The following DMBX1 variants were observed in gnomAD, a reference collection of about 807,000 sequenced individuals.
The protein encoded by DMBX1 is diencephalon/mesencephalon homeobox protein 1.
Under a neutral mutation model 30.4 loss-of-function variants are expected in DMBX1, and 7 were observed. That is an observed-to-expected ratio of 0.23 (90% CI 0.13 to 0.43). The LOEUF is 0.43. Among genes scored for constraint, DMBX1 ranks in the 20% least tolerant of loss-of-function variants. The pLI, the probability that DMBX1 is intolerant of heterozygous loss-of-function variation, is 1.00. For missense variants in DMBX1, 460 were observed against 508.5 expected, an observed-to-expected ratio of 0.90 and a Z score of 0.92; for synonymous variants, 222 against 214.2, an observed-to-expected ratio of 1.04 and a Z score of -0.32.
chr1:46,506,165 A>G (rs1290006923), intron 2 of DMBX1, among the ~76,000 whole-genome samples: 2 of 152,108 alleles, frequency 1.3e-5, no homozygotes, highest in African/African-American at 4.8e-5. Flanking sequence ...TCAAGCAATT[A>G]TCCTGCCTCA....
chr1:46,498,785 G>C lies in DMBX1; in HGVS notation c.-13+8002G>C, dbSNP rs184815164. Among the ~76,000 whole-genome samples, 9 of 152,350 alleles carry C rather than the reference G, an allele frequency of 5.9e-5. No homozygotes were observed. The East Asian group carries it at 1.5e-3, about 26-fold the overall frequency. ...CACATGGACACTGAGGTGGGCTTCA[G>C]ACCTATGGCTGTGTGGTACCACATG... is the stretch of plus-strand genomic sequence containing the variant. On this transcript the variant is annotated intron_variant, in intron 2 of 5. Transcript: ENST00000360032.
chr1:46,512,582 C>T lies in DMBX1; in HGVS notation c.*88C>T. The T allele has an allele frequency of 7.0e-7, 1 of 1,426,046 alleles. No homozygotes were observed. The highest frequency in any genetic ancestry group is 9.4e-7 in the Non-Finnish European group (1 of 1,059,258). 88.3% of individuals were successfully genotyped at this position (1,426,046 alleles called of 1,614,324 possible). A position where few individuals can be genotyped will look rare whatever the true frequency, so the allele number is the denominator to read the frequency against. On this transcript the variant is annotated 3_prime_UTR_variant, in exon 6 of 6. Transcript: ENST00000360032. This position sits in a 1 kb window ranked among gnomAD's most constrained non-coding sequence, Gnocchi z 4.8. Reference sequence around the variant, plus strand: ...TAGGTGGCTCTCGAGGAGTTAACTCCATGAGCCCAGGGATCCTAGGGCCTG... The same window carrying T: ...TAGGTGGCTCTCGAGGAGTTAACTCTATGAGCCCAGGGATCCTAGGGCCTG...
intron 2 of DMBX1, among the ~76,000 whole-genome samples, chr1:46,499,469 C>G: frequency 6.6e-6 from 1 of 152,232 alleles, no homozygotes; most frequent in East Asian, 1.9e-4. Context: ...GGAAGAACTT[C>G]ACCTGTTGAC....
chr1:46,502,050 C>G (rs1666146916), intron 2 of DMBX1, among the ~76,000 whole-genome samples: 1 of 152,116 alleles, frequency 6.6e-6, no homozygotes, highest in South Asian at 2.1e-4. Context: ...TAGCTTTCTG[C>G]CTTGAGGTTA....
rs1557791602 is a variant in DMBX1 at position 46,512,324 on chromosome 1, G to A, written c.964G>A (p.Ala322Thr). The A allele has an allele frequency of 1.2e-6, 2 of 1,613,762 alleles. No individual in the cohort carries two copies. The highest frequency in any genetic ancestry group is 1.7e-6 in the Non-Finnish European group (2 of 1,179,932). ...CQSYYQSLSAAAAAHQGVWGS... is the reference protein window; with the variant it reads ...CQSYYQSLSATAAAHQGVWGS... ...GTCCTACTACCAGTCCCTGTCAGCA[G>A]CCGCTGCTGCCCACCAGGGTGTGTG... The change falls in exon 6 of 6, where the codon GCC becomes ACC. Residue 322 changes from alanine (A) to threonine (T), a missense_variant. By Grantham distance (58) the Ala-to-Thr change is moderately conservative. Coordinates refer to ENST00000360032, the MANE Select transcript of DMBX1 (RefSeq NM_172225.2). The surrounding 1 kb of genome is among the most constrained non-coding windows in gnomAD (Gnocchi z 4.8).
At position 46,511,108 on chromosome 1, in the gene DMBX1, C is replaced by A. The variant is rs376934145; in HGVS notation, c.507C>A (p.Asp169Glu). ...AGCCCCCACGTCTGCCTGGCAGCGA[C>A]CCCCCTGCTGAGCTTCACCTGAGTC... is the stretch of plus-strand genomic sequence containing the variant. ...TEQPPRLPGSDPPAELHLSLS... is the reference protein window; with the variant it reads ...TEQPPRLPGSEPPAELHLSLS... Residue 169 changes from aspartate to glutamate, a missense_variant, in exon 5 of 6, where the codon GAC becomes GAA. This residue lies in a region of DMBX1 where 334 missense variants were observed against 345.1 expected (regional missense o/e 0.97). Transcript: ENST00000360032. 5.6e-6 allele frequency: 9 copies of A among 1,613,886 alleles called. No homozygotes were observed. Among genetic ancestry groups the A allele is most frequent in the Admixed American group, 1.7e-5 (1 of 60,004 alleles).
intron 2 of DMBX1, among the ~76,000 whole-genome samples, chr1:46,503,028 C>T (rs1040940724): frequency 6.6e-6 from 1 of 152,230 alleles, no homozygotes; most frequent in Non-Finnish European, 1.5e-5. Context: ...TACAATGGGC[C>T]GTGGAGCCCT....
chr1:46,491,148 ACCT>A lies in DMBX1; in HGVS notation c.-13+370_-13+372del, dbSNP rs1359736948. Among the ~76,000 whole-genome samples, 2 of 151,510 alleles carry A rather than the reference ACCT, an allele frequency of 1.3e-5. No homozygotes were observed. Among genetic ancestry groups the A allele is most frequent in the Admixed American group, 1.3e-4 (2 of 15,216 alleles). On this transcript the variant is annotated intron_variant, in intron 2 of 5. Transcript: ENST00000360032. This position sits in a 1 kb window ranked among gnomAD's most constrained non-coding sequence, Gnocchi z 5.5. ...GGTTCACTTAAGGAGCTTGAGGGAA[ACCT>A]CCTCTTCCCCAAATTCGCACCAAAT...
chr1:46,501,976 T>TG (rs1450977307), intron 2 of DMBX1, among the ~76,000 whole-genome samples: 3 of 152,366 alleles, frequency 2.0e-5, no homozygotes, highest in African/African-American at 7.2e-5. Flanking sequence ...GCTTTGTTTA[T>TG]GGTATATTCT....
Position 46,510,407 on chromosome 1 carries a change from G to A in DMBX1, c.155-69G>A. ...TCCACAGTGGGTCAGAGCAGGATAA[G>A]ATTCAAAGCTATTTCCCATAATTAA... On this transcript the variant is annotated intron_variant, in intron 3 of 5. Coordinates refer to ENST00000360032, the MANE Select transcript of DMBX1 (RefSeq NM_172225.2). This position sits in a 1 kb window ranked among gnomAD's most constrained non-coding sequence, Gnocchi z 4.1. 6.5e-7 allele frequency: 1 copy of A among 1,549,250 alleles called. No homozygotes were observed. Among genetic ancestry groups the A allele is most frequent in the Middle Eastern group, 1.7e-4 (1 of 5,786 alleles).
chr1:46,507,787 T>C (rs1666269769), intron 3 of DMBX1, among the ~76,000 whole-genome samples: 1 of 152,124 alleles, frequency 6.6e-6, no homozygotes, highest in Admixed American at 6.5e-5. Flanking sequence ...CAGCACGGGC[T>C]TTCCCACTCA....
chr1:46,501,196 T>G (rs35612037), intron 2 of DMBX1, among the ~76,000 whole-genome samples: 4 of 60,084 alleles, frequency 6.7e-5, no homozygotes. Flanking sequence ...TTCTCTCCCT[T>G]CCTTCCTTCC....
intron 2 of DMBX1, among the ~76,000 whole-genome samples, chr1:46,500,443 C>G (rs1224610462): frequency 6.6e-6 from 1 of 152,048 alleles, no homozygotes; most frequent in Non-Finnish European, 1.5e-5. Context: ...GATGAAATTG[C>G]TTCTAAACTC....
In DMBX1 at chr1:46,514,796, G is replaced by A. The variant is rs1318446163; in HGVS notation, c.*2302G>A. Among the ~76,000 whole-genome samples the A allele has an allele frequency of 1.3e-5, 2 of 152,166 alleles. No homozygotes were observed. Among genetic ancestry groups the A allele is most frequent in the Non-Finnish European group, 2.9e-5 (2 of 68,034 alleles). Reference sequence around the variant, plus strand: ...GTTGGTGTCCTGGTTGAATTGCTTTGCAGAGAAGTCAATGCCCATCACCCT... The same window carrying A: ...GTTGGTGTCCTGGTTGAATTGCTTTACAGAGAAGTCAATGCCCATCACCCT... On this transcript the variant is annotated 3_prime_UTR_variant, in exon 6 of 6. Transcript: ENST00000360032.
At chr1:46,492,931 G>A (rs1665957209) in intron 2 of DMBX1, among the ~76,000 whole-genome samples, 2 of 152,200 alleles carry the variant, frequency 1.3e-5, no homozygotes, top group Admixed American at 1.3e-4. Flanking sequence ...TTGCGCAGAA[G>A]CCCCAGGCAG....
chr1:46,510,702 A>C lies in DMBX1; in HGVS notation c.333+48A>C. 1 of 1,584,522 alleles carries C rather than the reference A, an allele frequency of 6.3e-7. No homozygotes were observed. The highest frequency in any genetic ancestry group is 8.6e-7 in the Non-Finnish European group (1 of 1,163,776). ...AGGCCTTGCAGACAAACACCAGCCC[A>C]TCAGTCTGCCCGCTTGTCCAGGAGC... is the stretch of plus-strand genomic sequence containing the variant. On this transcript the variant is annotated intron_variant, in intron 4 of 5. Transcript: ENST00000360032. The surrounding 1 kb of genome is among the most constrained non-coding windows in gnomAD (Gnocchi z 4.1).
In DMBX1 at chr1:46,509,909, G is replaced by T. The variant is rs577448247; in HGVS notation, c.155-567G>T. ...GCCATCAGAGACTCTAGGCCAGCTG[G>T]GATGAGGGGGTTTACATGCAGAGGA... On this transcript the variant is annotated intron_variant, in intron 3 of 5. Transcript: ENST00000360032. Among the ~76,000 whole-genome samples the T allele has an allele frequency of 1.1e-4, 16 of 152,210 alleles. No individual in the cohort carries two copies. In the South Asian group the frequency reaches 1.7e-3, roughly 16 times the overall value.
Position 46,510,695 on chromosome 1 carries a change from C to A in DMBX1, c.333+41C>A. On this transcript the variant is annotated intron_variant, in intron 4 of 5. Transcript: ENST00000360032. The surrounding 1 kb of genome is among the most constrained non-coding windows in gnomAD (Gnocchi z 4.1). The stretch of plus-strand genomic sequence containing the variant: ...CCTAACTAGGCCTTGCAGACAAACA[C>A]CAGCCCATCAGTCTGCCCGCTTGTC... The A allele has an allele frequency of 6.3e-7, 1 of 1,593,020 alleles. No individual in the cohort carries two copies. The highest frequency in any genetic ancestry group is 1.1e-5 in the South Asian group (1 of 88,868).
Position 46,512,578 on chromosome 1 carries a change from A to C in DMBX1, c.*84A>C. On this transcript the variant is annotated 3_prime_UTR_variant, in exon 6 of 6. Coordinates refer to ENST00000360032, the MANE Select transcript of DMBX1 (RefSeq NM_172225.2). This position sits in a 1 kb window ranked among gnomAD's most constrained non-coding sequence, Gnocchi z 4.8. Reference sequence around the variant, plus strand: ...TCCCTAGGTGGCTCTCGAGGAGTTAACTCCATGAGCCCAGGGATCCTAGGG... The same window carrying C: ...TCCCTAGGTGGCTCTCGAGGAGTTACCTCCATGAGCCCAGGGATCCTAGGG... 7.0e-7 allele frequency: 1 copy of C among 1,435,932 alleles called. No homozygotes were observed. Among genetic ancestry groups the C allele is most frequent in the South Asian group, 1.3e-5 (1 of 75,324 alleles). The allele number at this position is 1,435,932 out of a possible 1,614,324, so 88.9% of individuals were successfully genotyped here.
Sources: gnomAD v4.1 joint callset for allele counts (sites outside exome capture counted in the v4.1 genomes callset) on GRCh38, gnomAD v4.1.1 for gene constraint, gnomAD v4.1.1 regional missense constraint, Gnocchi (gnomAD v3.1) non-coding constraint, MANE v1.5 for transcripts, NCBI Gene and HGNC (gene_info 2026-07-23, HGNC 2026-07-21) for gene names.